The following RDH10 variants were observed in gnomAD, a reference collection of about 807,000 sequenced individuals.
The protein encoded by RDH10 is retinol dehydrogenase 10, also known as retinol dehydrogenase 10 (all-trans).
A neutral mutation model predicts 30.2 loss-of-function variants in RDH10; 12 were observed. The ratio of observed to expected loss-of-function variants is 0.40; its 90% CI spans 0.25 to 0.64. The LOEUF is 0.64. Ranked by LOEUF, RDH10 falls within the 30% of genes least tolerant of loss-of-function variation. RDH10 has a pLI of 0.43. For missense variants in RDH10, 268 were observed against 445.2 expected (o/e 0.60, Z 3.58); for synonymous variants, 189 against 172.2 (o/e 1.10, Z -0.76).
At chr8:73,316,720 T>C (rs1270666256) in intron 2 of RDH10, among the ~76,000 whole-genome samples, 1 of 152,174 alleles carries the variant, frequency 6.6e-6, no homozygotes, top group African/African-American at 2.4e-5. Context: ...GCATAGAGGC[T>C]TCTACTCCAT....
At position 73,295,284 on chromosome 8, in the gene RDH10, G is replaced by C. The variant is rs559183492; in HGVS notation, c.-6G>C. ...ACTGGGCTCGTGCGGGGCCCCGGGC[G>C]TCGCGATGAACATCGTGGTGGAGTT... is the stretch of plus-strand genomic sequence containing the variant. On this transcript the variant is annotated 5_prime_UTR_variant, in exon 1 of 6. Transcript: ENST00000240285. 155 of 1,554,692 alleles carry C rather than the reference G, an allele frequency of 1.0e-4. No homozygotes were observed. The highest frequency in any genetic ancestry group is 8.3e-5 in the South Asian group (7 of 84,702).
rs768766057 is a variant in RDH10 at position 73,295,351 on chromosome 8, C to T, written c.62C>T (p.Ala21Val). The part of the protein sequence containing the change: ...TFKVLWAFVL[A>V]AARWLVRPKE... ...AAAGTGCTCTGGGCGTTCGTGCTGG[C>T]CGCGGCGCGCTGGCTGGTGCGGCCC... The change falls in exon 1 of 6, where the codon GCC becomes GTC. Residue 21 changes from alanine to valine, a missense_variant. Around this residue, in one of 4 missense-constraint regions of RDH10, gnomAD observed 44 missense variants for 42.1 expected, o/e 1.04. Transcript: ENST00000240285. The T allele has an allele frequency of 9.6e-6, 15 of 1,561,688 alleles. No homozygotes were observed. The highest frequency in any genetic ancestry group is 1.2e-5 in the Non-Finnish European group (14 of 1,154,570).
chr8:73,314,259 A>G (rs1814623053), intron 2 of RDH10, among the ~76,000 whole-genome samples: 1 of 152,214 alleles, frequency 6.6e-6, no homozygotes, highest in Non-Finnish European at 1.5e-5. Context: ...TGCTATCTCA[A>G]ATGTCATCTA....
intron 2 of RDH10, chr8:73,315,618 C>G: frequency 2.2e-6 from 1 of 455,386 alleles, no homozygotes; most frequent in South Asian, 1.6e-5. Flanking sequence ...GCAGGCAAGA[C>G]CAGAGCACGT....
chr8:73,304,305 C>A (rs1814431859), intron 2 of RDH10, among the ~76,000 whole-genome samples: 3 of 152,186 alleles, frequency 2.0e-5, no homozygotes, highest in Admixed American at 1.3e-4. Context: ...TTCATGGGTC[C>A]CCAAATCCTG....
At chr8:73,306,494 TG>T (rs1814465029) in intron 2 of RDH10, among the ~76,000 whole-genome samples, 1 of 152,188 alleles carries the variant, frequency 6.6e-6, no homozygotes, top group African/African-American at 2.4e-5. Flanking sequence ...GGGGAAAAAA[TG>T]AATATCCTCT....
rs1814224275 is a variant in RDH10 at position 73,294,879 on chromosome 8, G to A, written c.-411G>A. On this transcript the variant is annotated 5_prime_UTR_variant, in exon 1 of 6. Transcript: ENST00000240285. ...CCTCCGCTGCGCACCCCTCCCCCGG[G>A]GTGAGAGGGAGCCGGCGCGCCGGTT... is the stretch of plus-strand genomic sequence containing the variant. The A allele has an allele frequency of 2.5e-6, 1 of 393,534 alleles. No homozygotes were observed. Among genetic ancestry groups the A allele is most frequent in the Admixed American group, 4.4e-5 (1 of 22,530 alleles). The allele number at this position is 393,534 out of a possible 1,614,324, so 24.4% of individuals were successfully genotyped here. A position where few individuals can be genotyped will look rare whatever the true frequency, so the allele number is the denominator to read the frequency against.
At chr8:73,310,938 A>T (rs901995249) in intron 2 of RDH10, 1 of 152,218 alleles carries the variant, frequency 6.6e-6, no homozygotes, top group African/African-American at 2.4e-5. Context: ...TAAGAGGCAT[A>T]CATTCAAGTT....
In RDH10 at chr8:73,294,764, G is replaced by C; in HGVS notation, c.-526G>C. On this transcript the variant is annotated 5_prime_UTR_variant, in exon 1 of 6. Transcript: ENST00000240285. The stretch of plus-strand genomic sequence containing the variant: ...TGCGCCGAGCGAGTCTCCCCTTCCC[G>C]GCGCTCCGCCGCCCCGCACCCCACT... 2.8e-6 allele frequency: 1 copy of C among 362,460 alleles called. No homozygotes were observed. Among genetic ancestry groups the C allele is most frequent in the East Asian group, 4.0e-5 (1 of 25,298 alleles). 22.5% of individuals were successfully genotyped at this position (362,460 alleles called of 1,614,324 possible).
At chr8:73,316,687 CG>C (rs1277980414) in intron 2 of RDH10, among the ~76,000 whole-genome samples, 4 of 152,142 alleles carry the variant, frequency 2.6e-5, no homozygotes, top group African/African-American at 7.2e-5. Context: ...AATTGGCTCA[CG>C]GTTCTGCAGG....
intron 2 of RDH10, chr8:73,315,672 G>A: frequency 6.8e-6 from 3 of 441,086 alleles, no homozygotes; most frequent in South Asian, 4.8e-5. Context: ...TGGTGTCTGA[G>A]TTTCTAGTCA....
intron 2 of RDH10, among the ~76,000 whole-genome samples, chr8:73,301,748 T>A (rs1316330469): frequency 6.6e-5 from 10 of 152,272 alleles, no homozygotes; most frequent in African/African-American, 1.7e-4. Flanking sequence ...AGAACAATAC[T>A]CCATCTCAAG....
At chr8:73,318,817 G>C (rs3793373) in intron 2 of RDH10, among the ~76,000 whole-genome samples, 58,834 of 152,040 alleles carry the variant, frequency 0.39, 11,883 homozygotes, top group African/African-American at 0.52. Flanking sequence ...TAATTAAGAA[G>C]CTTCTGCCAA....
In RDH10 at chr8:73,297,300, C is replaced by A; in HGVS notation, c.396C>A (p.Val132=). The change falls in exon 2 of 6, where the codon GTC becomes GTA. Residue 132 remains valine (V), a synonymous_variant. Transcript: ENST00000240285. ...RENVYLTAER[V]RKEVGEVSVL... ...ACGTCTACCTGACGGCTGAAAGAGTCCGCAAGGAGGTTGGCGAAGTCTCAG... is the reference window on the plus strand; with the variant it reads ...ACGTCTACCTGACGGCTGAAAGAGTACGCAAGGAGGTTGGCGAAGTCTCAG... 6.2e-7 allele frequency: 1 copy of A among 1,614,028 alleles called. No individual in the cohort carries two copies. Among genetic ancestry groups the A allele is most frequent in the Non-Finnish European group, 8.5e-7 (1 of 1,179,888 alleles).
intron 5 of RDH10, 36 bp downstream of exon 5, chr8:73,322,846 T>A (rs376845948): frequency 1.2e-6 from 2 of 1,613,942 alleles, no homozygotes; most frequent in African/African-American, 2.7e-5. Context: ...ACTGGGTCTC[T>A]CCATGCCTGC....
chr8:73,319,055 C>G (rs1323664846), intron 2 of RDH10, 41 bp from the exon 3 acceptor site: 1 of 1,358,408 alleles, frequency 7.4e-7, no homozygotes, highest in Non-Finnish European at 1.0e-6. Flanking sequence ...AGATGAAATT[C>G]ATGAAATCAG....
chr8:73,319,565 T>C (rs1814730098), intron 3 of RDH10, among the ~76,000 whole-genome samples: 1 of 152,202 alleles, frequency 6.6e-6, no homozygotes, highest in African/African-American at 2.4e-5. Context: ...CTGCCTCTTC[T>C]GCCATAAAAT....
intron 2 of RDH10, chr8:73,300,411 G>A (rs568781369): frequency 5.9e-5 from 9 of 151,856 alleles, no homozygotes; most frequent in Admixed American, 2.0e-4. Context: ...ATGTGTTGAC[G>A]TTGGCATGTG....
At chr8:73,297,618 C>T (rs530191562) in intron 2 of RDH10, 189 bp downstream of exon 2, 14 of 544,510 alleles carry the variant, frequency 2.6e-5, no homozygotes, top group Admixed American at 1.8e-4. Context: ...CCCACCCCCC[C>T]GCCACCCCTA....
Sources: allele counts gnomAD v4.1 joint callset (sites outside exome capture counted in the v4.1 genomes callset), GRCh38; gene constraint gnomAD v4.1.1; regional missense constraint gnomAD v4.1.1; transcripts MANE v1.5; gene names NCBI Gene and HGNC (gene_info 2026-07-23, HGNC 2026-07-21).